The following SASH1 variants were observed in gnomAD, a reference collection of about 807,000 sequenced individuals.
The protein encoded by SASH1 is SAM and SH3 domain containing 1, also known as SAM and SH3 domain-containing protein 1.
In SASH1, 44 loss-of-function variants were observed where a neutral mutation model predicts 125.2. The observed-to-expected ratio is 0.35, with a 90% CI of 0.28 to 0.45. The LOEUF (loss-of-function observed/expected upper bound fraction) is 0.45. Among genes scored for constraint, SASH1 ranks in the 20% least tolerant of loss-of-function variants. SASH1 has a pLI of 1.00. For synonymous variants in SASH1, 639 were observed against 649.1 expected, an observed-to-expected ratio of 0.98 and a Z score of 0.24; for missense variants, 1,426 against 1,614.5, an observed-to-expected ratio of 0.88 and a Z score of 2.00.
intron 7 of SASH1, chr6:148,478,782 C>T (rs1778482432): frequency 6.5e-6 from 1 of 154,250 alleles, no homozygotes. Flanking sequence ...CCATGCTGCT[C>T]ATCTCCTGCG....
At chr6:148,483,311 A>G (rs1478537948) in intron 7 of SASH1, among the ~76,000 whole-genome samples, 2 of 152,084 alleles carry the variant, frequency 1.3e-5, no homozygotes, top group East Asian at 3.9e-4. Flanking sequence ...AGACTGAGAA[A>G]TCACCTTCCC....
chr6:148,291,396 G>C (rs1779628734), intron 1 of SASH1, among the ~76,000 whole-genome samples: 1 of 152,024 alleles, frequency 6.6e-6, no homozygotes, highest in Non-Finnish European at 1.5e-5. Flanking sequence ...AAAAGTGCAG[G>C]ATGGCTAGTC....
chr6:148,295,575 G>A (rs1186290460), intron 1 of SASH1, among the ~76,000 whole-genome samples: 1 of 152,226 alleles, frequency 6.6e-6, no homozygotes, highest in Non-Finnish European at 1.5e-5. Context: ...TAACAACCCT[G>A]CCAGCTCTCT....
intron 8 of SASH1, among the ~76,000 whole-genome samples, chr6:148,505,138 A>G (rs547243758): frequency 2.0e-5 from 3 of 152,296 alleles, no homozygotes; most frequent in South Asian, 2.1e-4. Flanking sequence ...CTCACTGCCT[A>G]TCTTAGAAAT....
chr6:148,253,043 T>G, the SASH1 span, among the ~76,000 whole-genome samples: 1 of 152,212 alleles, frequency 6.6e-6, no homozygotes, highest in Non-Finnish European at 1.5e-5. Flanking sequence ...ATGCTCAGCC[T>G]GCAGATAGAC....
intron 1 of SASH1, among the ~76,000 whole-genome samples, chr6:148,361,601 A>T (rs1351292253): frequency 1.2e-3 from 9 of 7,356 alleles, no homozygotes; most frequent in African/African-American, 5.1e-3. Context: ...ACTCTGTCTC[A>T]AAAAAAAAAA....
chr6:148,455,590 G>T (rs929980226), intron 4 of SASH1, among the ~76,000 whole-genome samples: 1 of 152,192 alleles, frequency 6.6e-6, no homozygotes, highest in South Asian at 2.1e-4. Context: ...TGTGGAGGGC[G>T]CATGGAAGTG....
At chr6:148,304,350 G>A (rs188911214) in intron 1 of SASH1, among the ~76,000 whole-genome samples, 312 of 151,964 alleles carry the variant, frequency 2.1e-3, no homozygotes, top group Non-Finnish European at 3.7e-3. Flanking sequence ...CAGGAGAATG[G>A]TGTGAACCCG....
chr6:148,279,234 G>A (rs6902921), intron 1 of SASH1, among the ~76,000 whole-genome samples: 79,312 of 151,898 alleles, frequency 0.52, 20,880 homozygotes, highest in East Asian at 0.69. Context: ...CAAGCAATCC[G>A]CCTACCTCGG....
Position 148,322,979 on chromosome 6 carries a change from C to T in SASH1, n.74+50602C>T, listed in dbSNP as rs540406491. Among the ~76,000 whole-genome samples, 196 of 142,222 alleles carry T rather than the reference C, an allele frequency of 1.4e-3. 1 individual carries two copies. Among genetic ancestry groups the T allele is most frequent in the Middle Eastern group, 3.5e-3 (1 of 284 alleles). The allele number at this position is 142,222 out of a possible 152,430, so 93.3% of individuals were successfully genotyped here. ...CCTCCCTCCCTCTCTACTTCCCTCC[C>T]TCCCTTTCTCTTTCTCTCTCTCTCT... On this transcript the variant is annotated intron_variant and non_coding_transcript_variant, in intron 1 of 3. Transcript: ENST00000367469.
the SASH1 span, among the ~76,000 whole-genome samples, chr6:148,223,472 C>T: frequency 2.6e-5 from 4 of 152,192 alleles, no homozygotes; most frequent in East Asian, 1.9e-4. Context: ...AAGAGGCTTC[C>T]GCTGATGTGG....
At chr6:148,221,374 G>A in the SASH1 span, among the ~76,000 whole-genome samples, 1 of 152,146 alleles carries the variant, frequency 6.6e-6, no homozygotes, top group South Asian at 2.1e-4. Context: ...GCTTAGTACT[G>A]AATTTATATC....
intron 2 of SASH1, among the ~76,000 whole-genome samples, chr6:148,423,827 G>A (rs1021219379): frequency 5.3e-4 from 80 of 151,908 alleles, no homozygotes; most frequent in African/African-American, 1.8e-3. Flanking sequence ...TGCCAACTTT[G>A]GAAGGTCGTC....
At chr6:148,358,202 T>G (rs1782021602) in intron 1 of SASH1, among the ~76,000 whole-genome samples, 1 of 152,064 alleles carries the variant, frequency 6.6e-6, no homozygotes, top group Non-Finnish European at 1.5e-5. Context: ...CAGACAAGTT[T>G]GAGTATGTTC....
chr6:148,314,603 A>G (rs1780429844), intron 1 of SASH1, among the ~76,000 whole-genome samples: 2 of 152,148 alleles, frequency 1.3e-5, no homozygotes, highest in Non-Finnish European at 2.9e-5. Context: ...TAGGCCCTCA[A>G]ACAAAAGTTT....
chr6:148,323,290 G>T (rs149059338), intron 1 of SASH1, among the ~76,000 whole-genome samples: 1 of 152,092 alleles, frequency 6.6e-6, no homozygotes, highest in Non-Finnish European at 1.5e-5. Context: ...GATTACAGGC[G>T]TGAGCCCCAT....
chr6:148,407,149 A>G (rs1312895741), intron 2 of SASH1, among the ~76,000 whole-genome samples: 1 of 152,188 alleles, frequency 6.6e-6, no homozygotes, highest in Non-Finnish European at 1.5e-5. Flanking sequence ...GCATAATCAC[A>G]TGTTGTTCCA....
At chr6:148,215,750 G>A in the SASH1 span, among the ~76,000 whole-genome samples, 8 of 152,160 alleles carry the variant, frequency 5.3e-5, no homozygotes, top group South Asian at 2.1e-4. Flanking sequence ...TGTAAAATCA[G>A]AGTCAACTTG....
intron 1 of SASH1, among the ~76,000 whole-genome samples, chr6:148,388,622 C>T (rs1234949418): frequency 6.6e-6 from 1 of 152,200 alleles, no homozygotes; most frequent in Admixed American, 6.5e-5. Context: ...CTCTGTTTCT[C>T]CTCTCCCTTG....
Sources: allele counts gnomAD v4.1 joint callset (sites outside exome capture counted in the v4.1 genomes callset), GRCh38; gene constraint gnomAD v4.1.1; transcripts MANE v1.5; gene names NCBI Gene and HGNC (gene_info 2026-07-23, HGNC 2026-07-21).